Variants in KCNMB2 observed in about 807,000 individuals in gnomAD.
The protein encoded by KCNMB2 is calcium-activated potassium channel subunit beta-2.
In KCNMB2, 9 loss-of-function variants were observed where a neutral mutation model predicts 24.5. The observed-to-expected ratio is 0.37, with a 90% CI of 0.22 to 0.64. The LOEUF is 0.64. Among genes scored for constraint, KCNMB2 ranks in the 30% least tolerant of loss-of-function variants. KCNMB2 has a pLI of 0.63. For missense variants in KCNMB2, 226 were observed against 284.3 expected, an observed-to-expected ratio of 0.79 and a Z score of 1.47; for synonymous variants, 109 against 104.4, an observed-to-expected ratio of 1.04 and a Z score of -0.27.
intron 1 of KCNMB2, among the ~76,000 whole-genome samples, chr3:178,567,358 G>T (rs1716564019): frequency 6.6e-6 from 1 of 152,104 alleles, no homozygotes; most frequent in South Asian, 2.1e-4. Flanking sequence ...GCAACAAATA[G>T]AAATGTCTAA....
intron 2 of KCNMB2, among the ~76,000 whole-genome samples, chr3:178,822,425 T>A (rs866532101): frequency 2.0e-5 from 3 of 152,244 alleles, no homozygotes; most frequent in Non-Finnish European, 4.4e-5. Flanking sequence ...TGCTCCATCA[T>A]TAAGTTTTTC....
At chr3:178,548,592 G>A (rs138095509) in intron 1 of KCNMB2, among the ~76,000 whole-genome samples, 1 of 151,964 alleles carries the variant, frequency 6.6e-6, no homozygotes, top group Non-Finnish European at 1.5e-5. Context: ...TCCAGAAAAG[G>A]TCTCTTTCCC....
intron 1 of KCNMB2, among the ~76,000 whole-genome samples, chr3:178,625,053 G>A (rs892035708): frequency 3.3e-5 from 5 of 152,112 alleles, no homozygotes; most frequent in African/African-American, 1.2e-4. Context: ...GGCTCCTGGG[G>A]TAAGGCACAA....
chr3:178,595,167 C>T (rs1717824051), intron 1 of KCNMB2, among the ~76,000 whole-genome samples: 1 of 151,822 alleles, frequency 6.6e-6, no homozygotes, highest in Admixed American at 6.6e-5. Flanking sequence ...GTCACATCCT[C>T]ACATGATGGC....
At position 178,639,416 on chromosome 3, in the gene KCNMB2, G is replaced by T. The variant is rs549217359; in HGVS notation, c.-68+102705G>T. On this transcript the variant is annotated intron_variant, in intron 1 of 4. Coordinates refer to ENST00000452583, the MANE Select transcript of KCNMB2 (RefSeq NM_181361.3). Reference sequence around the variant, plus strand: ...CACTATACTGTACTGTCCATTGGCTGTGGAGTTAGACAAGGATTAAATCCT... The same window carrying T: ...CACTATACTGTACTGTCCATTGGCTTTGGAGTTAGACAAGGATTAAATCCT... 2.0e-5 allele frequency among the ~76,000 whole-genome samples: 3 copies of T among 152,298 alleles called. 1 individual carries two copies. The East Asian group carries it at 5.8e-4, about 29-fold the overall frequency.
chr3:178,748,731 C>A (rs1261631959), intron 1 of KCNMB2, among the ~76,000 whole-genome samples: 1 of 152,062 alleles, frequency 6.6e-6, no homozygotes, highest in African/African-American at 2.4e-5. Flanking sequence ...AAATTGAGAA[C>A]CCCGCTATTG....
At chr3:178,606,981 C>G (rs1054360749) in intron 1 of KCNMB2, among the ~76,000 whole-genome samples, 4 of 152,182 alleles carry the variant, frequency 2.6e-5, no homozygotes, top group African/African-American at 7.2e-5. Context: ...TCTGCCAGCA[C>G]TTTGATCTAG....
At chr3:178,715,073 T>C (rs1317998260) in intron 1 of KCNMB2, among the ~76,000 whole-genome samples, 3 of 152,224 alleles carry the variant, frequency 2.0e-5, no homozygotes, top group African/African-American at 4.8e-5. Context: ...CAGCCTACTT[T>C]TTCTGTTTGA....
At chr3:178,539,797 T>C (rs115497706) in intron 1 of KCNMB2, among the ~76,000 whole-genome samples, 2,017 of 152,090 alleles carry the variant, frequency 0.013, 38 homozygotes, top group African/African-American at 0.046. Flanking sequence ...CCTTATTTTA[T>C]AAACAGAGAC....
At chr3:178,742,767 G>A (rs6443575) in intron 1 of KCNMB2, among the ~76,000 whole-genome samples, 73,783 of 151,862 alleles carry the variant, frequency 0.49, 18,390 homozygotes, top group African/African-American at 0.61. Flanking sequence ...ATCTCTCAAA[G>A]GGTTTTGAGT....
intron 1 of KCNMB2, among the ~76,000 whole-genome samples, chr3:178,563,231 A>G (rs1716387314): frequency 6.6e-6 from 1 of 152,254 alleles, no homozygotes; most frequent in East Asian, 1.9e-4. Flanking sequence ...TAAACCAGAA[A>G]AAAACTGGGC....
At chr3:178,750,354 T>A (rs1723802799) in intron 1 of KCNMB2, among the ~76,000 whole-genome samples, 1 of 152,118 alleles carries the variant, frequency 6.6e-6, no homozygotes, top group African/African-American at 2.4e-5. Context: ...CATTTCATGA[T>A]ATTATTTTAC....
intron 1 of KCNMB2, among the ~76,000 whole-genome samples, chr3:178,703,259 T>C (rs544687913): frequency 3.3e-5 from 5 of 152,288 alleles, no homozygotes; most frequent in East Asian, 1.9e-4. Context: ...TAGACTCATT[T>C]TGCAAGTGAG....
chr3:178,600,744 T>C (rs1718052475), intron 1 of KCNMB2, among the ~76,000 whole-genome samples: 1 of 152,150 alleles, frequency 6.6e-6, no homozygotes, highest in Non-Finnish European at 1.5e-5. Flanking sequence ...CTAGTGTGAA[T>C]AGTGCTGCAA....
At chr3:178,769,819 A>G (rs1712271464) in intron 1 of KCNMB2, among the ~76,000 whole-genome samples, 1 of 152,250 alleles carries the variant, frequency 6.6e-6, no homozygotes, top group Admixed American at 6.5e-5. Flanking sequence ...AATGTGACAT[A>G]AAGCTACAGC....
chr3:178,580,862 A>G (rs1409918176), intron 1 of KCNMB2, among the ~76,000 whole-genome samples: 2 of 152,202 alleles, frequency 1.3e-5, no homozygotes, highest in Non-Finnish European at 2.9e-5. Flanking sequence ...TCAAGGAAAT[A>G]AGAGAGGACA....
At chr3:178,830,224 T>C (rs1357131286) in intron 4 of KCNMB2, among the ~76,000 whole-genome samples, 1 of 152,218 alleles carries the variant, frequency 6.6e-6, no homozygotes, top group Admixed American at 6.5e-5. Flanking sequence ...ATAGAATACT[T>C]TCCTTTCTGT....
chr3:178,671,967 G>C (rs1720915387), intron 1 of KCNMB2, among the ~76,000 whole-genome samples: 1 of 152,110 alleles, frequency 6.6e-6, no homozygotes, highest in Non-Finnish European at 1.5e-5. Context: ...CTTTGGCTAA[G>C]AGAACTCATG....
rs937280860 is a variant in KCNMB2, at chr3:178,606,477, T to C, written c.-68+69766T>C. 1.3e-4 allele frequency among the ~76,000 whole-genome samples: 7 copies of C among 54,590 alleles called. No homozygotes were observed. In the African/African-American group the frequency reaches 1.5e-3, roughly 11 times the overall value. The allele number at this position is 54,590 out of a possible 152,430, so 35.8% of individuals were successfully genotyped here. A position where few individuals can be genotyped will look rare whatever the true frequency, so the allele number is the denominator to read the frequency against. On this transcript the variant is annotated intron_variant, in intron 1 of 4. Coordinates refer to ENST00000452583, the MANE Select transcript of KCNMB2 (RefSeq NM_181361.3). ...TGCCTTTCTTCTTTCCTATTTCTTT[T>C]TTTTTTTTTTTTGTGGAAATTTCTT...
Sources: allele counts gnomAD v4.1 joint callset (sites outside exome capture counted in the v4.1 genomes callset), GRCh38; gene constraint gnomAD v4.1.1; transcripts MANE v1.5; gene names NCBI Gene and HGNC (gene_info 2026-07-23, HGNC 2026-07-21).